Variants in CYP4F12 observed in about 807,000 individuals in gnomAD.
CYP4F12 encodes cytochrome P450 family 4 subfamily F member 12.
CYP4F12 carries 60 observed loss-of-function variants against 56.5 expected under a neutral mutation model. The ratio of observed to expected loss-of-function variants is 1.06; its 90% CI spans 0.86 to 1.32. The LOEUF (loss-of-function observed/expected upper bound fraction) is 1.32, where lower values mean the gene tolerates loss of function less well. Among genes scored for constraint, CYP4F12 ranks in the 40% most tolerant of loss-of-function variants. CYP4F12 has a pLI of 0.00. For synonymous variants in CYP4F12, 263 were observed against 264.9 expected, an observed-to-expected ratio of 0.99 and a Z score of 0.07; for missense variants, 711 against 683.5, an observed-to-expected ratio of 1.04 and a Z score of -0.45.
chr19:15,673,612 C>T lies in CYP4F12; in HGVS notation c.83C>T (p.Ser28Phe). 1 of 1,614,118 alleles carries T rather than the reference C, an allele frequency of 6.2e-7. No individual in the cohort carries two copies. Among genetic ancestry groups the T allele is most frequent in the South Asian group, 1.1e-5 (1 of 91,082 alleles). The change falls in exon 2 of 13, where the codon TCC (serine) becomes TTC (phenylalanine). Residue 28 changes from serine (S) to phenylalanine (F), a missense_variant. Physicochemically the swap from Ser to Phe is radical, Grantham distance 155. Coordinates refer to ENST00000550308, the MANE Select transcript of CYP4F12 (RefSeq NM_023944.4). Reference protein sequence around the residue: ...PWLLLLLVVGSWLLARILAWT... With the variant: ...PWLLLLLVVGFWLLARILAWT... Reference sequence around the variant, plus strand: ...CTACTCCTGCTGCTGGTTGTGGGCTCCTGGCTACTCGCCCGCATCCTGGCT... The same window carrying T: ...CTACTCCTGCTGCTGGTTGTGGGCTTCTGGCTACTCGCCCGCATCCTGGCT...
chr19:15,679,797 A>G (rs1450103344), intron 3 of CYP4F12, among the ~76,000 whole-genome samples: 2 of 152,188 alleles, frequency 1.3e-5, no homozygotes, highest in African/African-American at 4.8e-5. Flanking sequence ...TCCACCTGGG[A>G]CATGTCTGGG....
rs1350448758 is a variant in CYP4F12, at chr19:15,696,046, C to A, written c.1226C>A (p.Pro409Gln). 1 of 1,613,862 alleles carries A rather than the reference C, an allele frequency of 6.2e-7. No homozygotes were observed. The highest frequency in any genetic ancestry group is 2.2e-5 in the East Asian group (1 of 44,884). ...SRCCTQDIVL[P>Q]DGRVIPKGIT... ...TGCTGCACCCAGGACATTGTTCTCC[C>A]AGATGGCCGAGTCATCCCCAAAGGT... The change falls in exon 10 of 13, where the codon CCA (proline) becomes CAA (glutamine). Residue 409 changes from proline (P) to glutamine (Q), a missense_variant. Physicochemically the swap from Pro to Gln is moderately conservative, Grantham distance 76. Transcript: ENST00000550308.
intron 2 of CYP4F12, among the ~76,000 whole-genome samples, chr19:15,676,913 T>C (rs1302159431): frequency 3.7e-5 from 1 of 27,220 alleles, no homozygotes; most frequent in South Asian, 1.6e-3. Context: ...ATTCCTCTCC[T>C]CACTTACTCA....
intron 9 of CYP4F12, among the ~76,000 whole-genome samples, chr19:15,689,096 CTTAA>C (rs1281321506): frequency 7.8e-6 from 1 of 128,066 alleles, no homozygotes; most frequent in Non-Finnish European, 1.7e-5. Flanking sequence ...ATCAGTGGAA[CTTAA>C]TTAAACTAAA....
At chr19:15,693,779 A>AT (rs2007990478) in intron 9 of CYP4F12, among the ~76,000 whole-genome samples, 1 of 149,506 alleles carries the variant, frequency 6.7e-6, no homozygotes, top group African/African-American at 2.5e-5. Context: ...TATGTCTTGA[A>AT]TGGTAATGCC....
Position 15,696,959 on chromosome 19 carries a change from G to C in CYP4F12, c.1449G>C (p.Ala483=). ...FAMAEMKVVL[A]LMLLHFRFLP... Reference sequence around the variant, plus strand: ...TGGCGGAGATGAAAGTGGTCCTGGCGTTGATGCTGCTGCACTTCCGGTTCC... The same window carrying C: ...TGGCGGAGATGAAAGTGGTCCTGGCCTTGATGCTGCTGCACTTCCGGTTCC... Residue 483 remains alanine (A), a synonymous_variant, in exon 13 of 13, where the codon GCG becomes GCC. Transcript: ENST00000550308. 5.6e-6 allele frequency: 9 copies of C among 1,614,212 alleles called. No homozygotes were observed. Among genetic ancestry groups the C allele is most frequent in the Non-Finnish European group, 7.6e-6 (9 of 1,180,020 alleles).
Position 15,683,605 on chromosome 19 carries a change from C to G in CYP4F12, c.760C>G (p.Arg254Gly). 6.2e-7 allele frequency: 1 copy of G among 1,614,126 alleles called. No individual in the cohort carries two copies. The highest frequency in any genetic ancestry group is 1.1e-5 in the South Asian group (1 of 91,086). ...TCTGTATTACCTCTCCCATGACGGG[C>G]GGCGCTTCCACAGGGCCTGCCGCCT... The part of the protein sequence containing the change: ...DFLYYLSHDG[R>G]RFHRACRLVH... The change falls in exon 7 of 13, where the codon CGG (arginine) becomes GGG (glycine). Residue 254 changes from arginine (R) to glycine (G), a missense_variant. Coordinates refer to ENST00000550308, the MANE Select transcript of CYP4F12 (RefSeq NM_023944.4).
rs199640637 is a variant in CYP4F12 at position 15,683,636 on chromosome 19, A to C, written c.791A>C (p.His264Pro). Residue 264 changes from histidine to proline, a missense_variant, in exon 7 of 13, where the codon CAT (histidine) becomes CCT (proline). His to Pro is a moderately conservative substitution (Grantham distance 77, BLOSUM62 -2). Coordinates refer to ENST00000550308, the MANE Select transcript of CYP4F12 (RefSeq NM_023944.4). ...RRFHRACRLV[H>P]DFTDAVIRER... The stretch of plus-strand genomic sequence containing the variant: ...TTCCACAGGGCCTGCCGCCTGGTGC[A>C]TGACTTCACAGACGCTGTCATCCGG... The C allele has an allele frequency of 6.2e-7, 1 of 1,614,098 alleles. No homozygotes were observed. Among genetic ancestry groups the C allele is most frequent in the Non-Finnish European group, 8.5e-7 (1 of 1,180,004 alleles).
chr19:15,688,313 A>C (rs676921), intron 9 of CYP4F12, among the ~76,000 whole-genome samples: 42,901 of 151,734 alleles, frequency 0.28, 6,575 homozygotes, highest in African/African-American at 0.4. Flanking sequence ...CCAGTGACCT[A>C]AGAACCACCC....
At chr19:15,674,902 C>G (rs2006843876) in intron 2 of CYP4F12, among the ~76,000 whole-genome samples, 1 of 152,216 alleles carries the variant, frequency 6.6e-6, no homozygotes, top group Admixed American at 6.5e-5. Context: ...GCATTCCCAC[C>G]TTCTCCACTG....
chr19:15,673,617 C>A lies in CYP4F12; in HGVS notation c.88C>A (p.Leu30Ile), dbSNP rs76142062. The part of the protein sequence containing the change: ...LLLLLVVGSW[L>I]LARILAWTYA... ...CCTGCTGCTGGTTGTGGGCTCCTGG[C>A]TACTCGCCCGCATCCTGGCTTGGAC... Residue 30 changes from leucine to isoleucine, a missense_variant, in exon 2 of 13, where the codon CTA becomes ATA. Transcript: ENST00000550308. The A allele has an allele frequency of 1.3e-3, 2,055 of 1,614,188 alleles. 23 individuals carry two copies. In the African/African-American group the frequency reaches 0.023, roughly 18 times the overall value.
chr19:15,689,352 T>C (rs528268415), intron 9 of CYP4F12, among the ~76,000 whole-genome samples: 3 of 152,084 alleles, frequency 2.0e-5, no homozygotes, highest in South Asian at 2.1e-4. Context: ...ACGAAACATA[T>C]GAAAAAATGC....
At chr19:15,695,752 T>G (rs1002833476) in intron 9 of CYP4F12, among the ~76,000 whole-genome samples, 184 bp from the exon 10 acceptor site, 2 of 152,260 alleles carry the variant, frequency 1.3e-5, no homozygotes, top group African/African-American at 2.4e-5. Flanking sequence ...TGGCTAAATT[T>G]TCTCTGGTAC....
intron 9 of CYP4F12, among the ~76,000 whole-genome samples, chr19:15,693,685 T>G (rs866995774): frequency 0.014 from 2,144 of 149,736 alleles, 2 homozygotes; most frequent in African/African-American, 0.052. Flanking sequence ...AGAAGCTCTT[T>G]AGTTTAATTA....
chr19:15,695,845 T>C, intron 9 of CYP4F12, 91 bp from the exon 10 acceptor site: 2 of 1,497,750 alleles, frequency 1.3e-6, no homozygotes, highest in Middle Eastern at 3.6e-4. Flanking sequence ...TATTTTGTGA[T>C]AGGGAGAAAA....
chr19:15,679,076 C>T (rs1264571835), intron 3 of CYP4F12, among the ~76,000 whole-genome samples: 1 of 152,196 alleles, frequency 6.6e-6, no homozygotes, highest in African/African-American at 2.4e-5. Context: ...TTGCTCTCTG[C>T]TCTTCTCATC....
At position 15,695,928 on chromosome 19, in the gene CYP4F12, T is replaced by C; in HGVS notation, c.1116-8T>C. The C allele has an allele frequency of 2.5e-6, 4 of 1,610,204 alleles. No individual in the cohort carries two copies. The highest frequency in any genetic ancestry group is 3.4e-6 in the Non-Finnish European group (4 of 1,178,780). On this transcript the variant is annotated splice_region_variant and splice_polypyrimidine_tract_variant and intron_variant, in intron 9 of 12. Transcript: ENST00000550308. ...TTGATAATGACTGGGGCTGGGGTGT[T>C]TCCTTAGGGACGACCTGGCCCAGCT...
At chr19:15,678,665 A>G (rs12460651) in intron 3 of CYP4F12, 403,162 of 437,974 alleles carry the variant, frequency 0.92, 185,669 homozygotes, top group East Asian at 1. Context: ...CCAGCCTCAT[A>G]GGGTCAGGAA....
At chr19:15,681,131 C>T (rs1470185563) in intron 5 of CYP4F12, 2 of 167,418 alleles carry the variant, frequency 1.2e-5, no homozygotes, top group African/African-American at 4.8e-5. Flanking sequence ...TGTCTGTGGA[C>T]ATTGTCTCTG....
Sources: allele counts gnomAD v4.1 joint callset (sites outside exome capture counted in the v4.1 genomes callset), GRCh38; gene constraint gnomAD v4.1.1; transcripts MANE v1.5; gene names NCBI Gene and HGNC (gene_info 2026-07-23, HGNC 2026-07-21).